PLOD2: variants seen among roughly 807,000 people sequenced by gnomAD.
The protein encoded by PLOD2 is procollagen-lysine,2-oxoglutarate 5-dioxygenase 2, also known as lysine hydroxylase 2.
A neutral mutation model predicts 101.0 loss-of-function variants in PLOD2; 65 were observed. The observed-to-expected ratio is 0.64, with a 90% CI of 0.53 to 0.79. The LOEUF (loss-of-function observed/expected upper bound fraction) is 0.79. Among genes scored for constraint, PLOD2 ranks in the 30% least tolerant of loss-of-function variants. PLOD2 has a pLI of 0.00. For synonymous variants in PLOD2, 314 were observed against 302.9 expected, an observed-to-expected ratio of 1.04 and a Z score of -0.38; for missense variants, 909 against 914.6, an observed-to-expected ratio of 0.99 and a Z score of 0.08.
intron 1 of PLOD2, among the ~76,000 whole-genome samples, chr3:146,142,660 C>T (rs1025685499): frequency 6.6e-6 from 1 of 152,112 alleles, no homozygotes; most frequent in Admixed American, 6.6e-5. Flanking sequence ...ACACAAATCT[C>T]CAGTTCTTGC....
chr3:146,123,219 T>A (rs1206293040), intron 2 of PLOD2: 1 of 621,108 alleles, frequency 1.6e-6, no homozygotes, highest in African/African-American at 2.0e-5. Context: ...AAAAGTAATC[T>A]TTCTTCTTTT....
At position 146,088,661 on chromosome 3, in the gene PLOD2, A is replaced by G; in HGVS notation, c.930T>C (p.Phe310=). 6.2e-7 allele frequency: 1 copy of G among 1,607,446 alleles called. No homozygotes were observed. Among genetic ancestry groups the G allele is most frequent in the Non-Finnish European group, 8.5e-7 (1 of 1,174,382 alleles). ...ACAATATGTCCAGAAACCGAGGTAG[A>G]AAAGGGGTTGGTTGCTCAATAAAAA... ...IGVFIEQPTP[F]LPRFLDILLT... is the part of the protein sequence containing the mutation. Residue 310 remains phenylalanine, a synonymous_variant, in exon 9 of 20, where the codon TTT becomes TTC. Coordinates refer to ENST00000282903, the MANE Select transcript of PLOD2 (RefSeq NM_182943.3).
chr3:146,098,213 A>G (rs1937272040), intron 7 of PLOD2, among the ~76,000 whole-genome samples: 1 of 152,238 alleles, frequency 6.6e-6, no homozygotes, highest in Non-Finnish European at 1.5e-5. Context: ...AAGAACTTAA[A>G]GTAAAATTTT....
At chr3:146,144,650 G>A (rs901176489) in intron 1 of PLOD2, among the ~76,000 whole-genome samples, 1 of 151,964 alleles carries the variant, frequency 6.6e-6, no homozygotes, top group African/African-American at 2.4e-5. Context: ...ATAAGGTAAT[G>A]GTTATAAAAC....
intron 15 of PLOD2, 160 bp from the exon 16 acceptor site, chr3:146,073,512 C>T (rs1936225428): frequency 5.7e-6 from 2 of 350,402 alleles, no homozygotes; most frequent in Non-Finnish European, 1.1e-5. Context: ...TAATCTTTGC[C>T]TGGTTCTGAA....
intron 7 of PLOD2, among the ~76,000 whole-genome samples, chr3:146,093,830 T>C (rs966892738): frequency 2.0e-5 from 3 of 152,212 alleles, no homozygotes; most frequent in African/African-American, 2.4e-5. Context: ...TTTAAAATGT[T>C]AGAGCATAAA....
In PLOD2 at chr3:146,143,748, A is replaced by T. The variant is rs116253951; in HGVS notation, c.109+17133T>A. Among the ~76,000 whole-genome samples the T allele has an allele frequency of 7.0e-3, 1,067 of 152,234 alleles. 14 individuals carry two copies. Among genetic ancestry groups the T allele is most frequent in the African/African-American group, 0.025 (1,024 of 41,532 alleles). On this transcript the variant is annotated intron_variant, in intron 1 of 19. Coordinates refer to ENST00000282903, the MANE Select transcript of PLOD2 (RefSeq NM_182943.3). ...GAAATCAGCCTGTACTACATTCACC[A>T]ACCAAAAGTCCAGATAAAATAACCT...
chr3:146,134,116 G>C (rs2031091083), intron 1 of PLOD2, among the ~76,000 whole-genome samples: 1 of 152,120 alleles, frequency 6.6e-6, no homozygotes, highest in Admixed American at 6.6e-5. Flanking sequence ...TACATTTGAA[G>C]AGAAAACAAT....
chr3:146,077,466 T>A (rs898131462), intron 14 of PLOD2: 4 of 169,384 alleles, frequency 2.4e-5, no homozygotes, highest in African/African-American at 9.6e-5. Flanking sequence ...TGTTTCTTTT[T>A]GGACCTGTTT....
intron 1 of PLOD2, among the ~76,000 whole-genome samples, chr3:146,157,803 C>T (rs1315338378): frequency 6.6e-6 from 1 of 152,194 alleles, no homozygotes; most frequent in Non-Finnish European, 1.5e-5. Context: ...GCACAGAATA[C>T]AGAAAGTACA....
intron 1 of PLOD2, among the ~76,000 whole-genome samples, chr3:146,135,980 A>G (rs1415652023): frequency 6.6e-6 from 1 of 152,170 alleles, no homozygotes; most frequent in Admixed American, 6.5e-5. Context: ...TCTACAATAA[A>G]TTCCAAGTAA....
At chr3:146,156,724 T>C (rs1440438483) in intron 1 of PLOD2, among the ~76,000 whole-genome samples, 3 of 152,250 alleles carry the variant, frequency 2.0e-5, no homozygotes, top group African/African-American at 7.2e-5. Flanking sequence ...AAGCTTTCCT[T>C]TTGTTTCTCT....
intron 1 of PLOD2, among the ~76,000 whole-genome samples, chr3:146,125,190 CTATT>C (rs1304293709): frequency 3.3e-5 from 5 of 152,060 alleles, no homozygotes; most frequent in African/African-American, 1.2e-4. Flanking sequence ...CACTTGCCCT[CTATT>C]TATAAGAAAA....
intron 1 of PLOD2, among the ~76,000 whole-genome samples, chr3:146,153,678 A>C (rs2032169353): frequency 6.6e-6 from 1 of 152,130 alleles, no homozygotes; most frequent in Admixed American, 6.5e-5. Flanking sequence ...TGCCTGTGGG[A>C]GGGTCAAGCT....
chr3:146,099,460 G>C (rs962687319), intron 7 of PLOD2, among the ~76,000 whole-genome samples: 2 of 152,100 alleles, frequency 1.3e-5, no homozygotes, highest in East Asian at 3.9e-4. Flanking sequence ...GCAATGGCCC[G>C]ATCTTGGCTG....
At chr3:146,117,898 C>T (rs953483135) in intron 3 of PLOD2, among the ~76,000 whole-genome samples, 1 of 151,950 alleles carries the variant, frequency 6.6e-6, no homozygotes. Flanking sequence ...AGGTCCCTCA[C>T]TATACCAGTT....
intron 8 of PLOD2, among the ~76,000 whole-genome samples, chr3:146,089,492 T>C (rs1255176732): frequency 6.6e-6 from 1 of 151,600 alleles, no homozygotes; most frequent in Non-Finnish European, 1.5e-5. Context: ...CAGAAATCTA[T>C]GGAAGACTTG....
At position 146,136,874 on chromosome 3, in the gene PLOD2, G is replaced by A. The variant is rs549446412; in HGVS notation, c.110-12645C>T. On this transcript the variant is annotated intron_variant, in intron 1 of 19. Transcript: ENST00000282903. ...CACTCTATGATGTTTCTACAATGACGAAATTGCCTAATGACTCAATTCTCA... is the reference window on the plus strand; with the variant it reads ...CACTCTATGATGTTTCTACAATGACAAAATTGCCTAATGACTCAATTCTCA... 4.5e-4 allele frequency among the ~76,000 whole-genome samples: 68 copies of A among 152,264 alleles called. 1 individual carries two copies. Among genetic ancestry groups the A allele is most frequent in the Admixed American group, 1.2e-3 (19 of 15,290 alleles).
chr3:146,125,306 A>G (rs1192231998), intron 1 of PLOD2, among the ~76,000 whole-genome samples: 2 of 152,210 alleles, frequency 1.3e-5, no homozygotes, highest in African/African-American at 2.4e-5. Flanking sequence ...CAATGTATCT[A>G]TCTGTCAAAT....
Sources: gnomAD v4.1 joint callset for allele counts (sites outside exome capture counted in the v4.1 genomes callset) on GRCh38, gnomAD v4.1.1 for gene constraint, MANE v1.5 for transcripts, NCBI Gene and HGNC (gene_info 2026-07-23, HGNC 2026-07-21) for gene names.